Variants in MACROD2 observed in about 807,000 individuals in gnomAD.
MACROD2 encodes the protein ADP-ribose glycohydrolase MACROD2.
In MACROD2, 36 loss-of-function variants were observed where a neutral mutation model predicts 70.4. The ratio of observed to expected loss-of-function variants is 0.51; its 90% CI spans 0.39 to 0.68. MACROD2 has a LOEUF of 0.68. MACROD2 is among the 30% of genes least tolerant of loss of function. The pLI, the probability that MACROD2 is intolerant of heterozygous loss-of-function variation, is 0.00. For missense variants in MACROD2, 496 were observed against 538.4 expected (o/e 0.92, Z 0.78); for synonymous variants, 172 against 178.8 (o/e 0.96, Z 0.30).
At chr20:15,175,135 G>A (rs571934412) in intron 5 of MACROD2, among the ~76,000 whole-genome samples, 44 of 151,946 alleles carry the variant, frequency 2.9e-4, no homozygotes, top group Admixed American at 1.4e-3. Flanking sequence ...GTAGGAACAC[G>A]GATGAAATTG....
At chr20:15,916,261 A>G (rs553994620) in intron 10 of MACROD2, among the ~76,000 whole-genome samples, 64 of 152,196 alleles carry the variant, frequency 4.2e-4, no homozygotes, top group South Asian at 2.7e-3. Flanking sequence ...CTCCCTTGCC[A>G]TGGGGGCTCT....
Position 15,204,774 on chromosome 20 carries a change from C to T in MACROD2, c.419-25166C>T, listed in dbSNP as rs550762850. On this transcript the variant is annotated intron_variant, in intron 5 of 17. Coordinates refer to ENST00000684519, the MANE Select transcript of MACROD2 (RefSeq NM_001351661.2). ...TTTGTTAGGCTTTTTAATGGGAATT[C>T]CTGGTAGCATTTCTCAGAGAATTTC... is the stretch of plus-strand genomic sequence containing the variant. Among the ~76,000 whole-genome samples, 4 of 152,110 alleles carry T rather than the reference C, an allele frequency of 2.6e-5. No homozygotes were observed. In the East Asian group the frequency reaches 5.8e-4, roughly 22 times the overall value.
intron 8 of MACROD2, among the ~76,000 whole-genome samples, chr20:15,722,081 T>C (rs78667812): frequency 0.032 from 4,929 of 152,300 alleles, 274 homozygotes; most frequent in African/African-American, 0.11. Context: ...AATTTGTCTT[T>C]AATACTCTAT....
intron 3 of MACROD2, among the ~76,000 whole-genome samples, chr20:14,401,000 A>G (rs1034331045): frequency 2.6e-5 from 4 of 152,178 alleles, no homozygotes; most frequent in East Asian, 1.9e-4. Context: ...CTGTATCCAC[A>G]TCGGTCTATA....
chr20:14,121,966 T>C (rs1569167932), intron 3 of MACROD2, among the ~76,000 whole-genome samples: 1 of 152,184 alleles, frequency 6.6e-6, no homozygotes, highest in Non-Finnish European at 1.5e-5. Flanking sequence ...GATTTTCCTT[T>C]TAATTTAGAG....
intron 3 of MACROD2, among the ~76,000 whole-genome samples, chr20:14,255,556 G>A (rs1601404837): frequency 6.6e-6 from 1 of 151,710 alleles, no homozygotes; most frequent in African/African-American, 2.4e-5. Flanking sequence ...CAGGGGGGAG[G>A]GATAGCATTA....
intron 4 of MACROD2, among the ~76,000 whole-genome samples, chr20:14,629,760 C>T (rs1331101247): frequency 6.6e-6 from 1 of 152,172 alleles, no homozygotes; most frequent in Non-Finnish European, 1.5e-5. Flanking sequence ...CAGACTGGTT[C>T]TTTTCCCTCT....
intron 5 of MACROD2, among the ~76,000 whole-genome samples, chr20:14,982,534 C>T (rs141090628): frequency 6.8e-4 from 103 of 152,266 alleles, no homozygotes; most frequent in African/African-American, 2.0e-3. Flanking sequence ...TGTGTGCAGC[C>T]TAGGGACTTG....
At chr20:14,517,121 A>G (rs772373827) in intron 4 of MACROD2, among the ~76,000 whole-genome samples, 1 of 152,192 alleles carries the variant, frequency 6.6e-6, no homozygotes, top group African/African-American at 2.4e-5. Flanking sequence ...ATTGTAGAAG[A>G]CAGTATGGCA....
At chr20:14,814,489 A>T (rs922254454) in intron 5 of MACROD2, among the ~76,000 whole-genome samples, 3 of 152,048 alleles carry the variant, frequency 2.0e-5, no homozygotes, top group Non-Finnish European at 4.4e-5. Context: ...TGGTCTGTGG[A>T]TATGTGAATA....
intron 5 of MACROD2, among the ~76,000 whole-genome samples, chr20:15,166,875 CT>C (rs1414926549): frequency 6.7e-6 from 1 of 149,666 alleles, no homozygotes; most frequent in African/African-American, 2.4e-5. Flanking sequence ...TAAGTATTAA[CT>C]TATTAAATTT....
At chr20:14,493,344 T>G in intron 3 of MACROD2, 135 bp from the exon 4 acceptor site, 1 of 545,634 alleles carries the variant, frequency 1.8e-6, no homozygotes. Flanking sequence ...TGTCTTTAAA[T>G]GAAAGTAAAT....
intron 6 of MACROD2, among the ~76,000 whole-genome samples, chr20:15,325,728 G>C (rs536047161): frequency 6.6e-6 from 1 of 152,154 alleles, no homozygotes; most frequent in Non-Finnish European, 1.5e-5. Context: ...ATCAGAGCTA[G>C]TGCAGGTACC....
intron 3 of MACROD2, among the ~76,000 whole-genome samples, chr20:14,162,466 A>G (rs1352495625): frequency 6.6e-6 from 1 of 152,156 alleles, no homozygotes; most frequent in Non-Finnish European, 1.5e-5. Flanking sequence ...GGGATGTTGA[A>G]GTTCCTAATT....
chr20:14,868,584 T>G (rs988342505), intron 5 of MACROD2, among the ~76,000 whole-genome samples: 1 of 152,120 alleles, frequency 6.6e-6, no homozygotes, highest in African/African-American at 2.4e-5. Flanking sequence ...GCCTAGAGTC[T>G]AGGGCCCAAC....
chr20:14,409,147 C>CTTTTTTTTT (rs11425504), intron 3 of MACROD2, among the ~76,000 whole-genome samples: 1 of 127,592 alleles, frequency 7.8e-6, no homozygotes. Flanking sequence ...TCTGTTTTGG[C>CTTTTTTTTT]TTTTTTTTTT....
At chr20:14,178,749 T>TG (rs1555929970) in intron 3 of MACROD2, among the ~76,000 whole-genome samples, 14 of 147,238 alleles carry the variant, frequency 9.5e-5, no homozygotes, top group Non-Finnish European at 2.1e-4. Flanking sequence ...TTTTTTTTTT[T>TG]GACCGTAGTG....
chr20:15,323,040 G>A (rs1235482449), intron 6 of MACROD2, among the ~76,000 whole-genome samples: 1 of 105,748 alleles, frequency 9.5e-6, no homozygotes, highest in African/African-American at 2.9e-5. Flanking sequence ...ATAAGAGCTT[G>A]GGGTTCAGTT....
At chr20:15,573,411 A>G (rs1015031607) in intron 8 of MACROD2, among the ~76,000 whole-genome samples, 1 of 152,134 alleles carries the variant, frequency 6.6e-6, no homozygotes, top group Non-Finnish European at 1.5e-5. Flanking sequence ...ATTTCAAATT[A>G]CTGTGTTCTG....
Sources: allele counts gnomAD v4.1 joint callset (sites outside exome capture counted in the v4.1 genomes callset), GRCh38; gene constraint gnomAD v4.1.1; transcripts MANE v1.5; gene names NCBI Gene and HGNC (gene_info 2026-07-23, HGNC 2026-07-21).